The following AK5 variants were observed in gnomAD, a reference collection of about 807,000 sequenced individuals.
The protein encoded by AK5 is adenylate kinase isoenzyme 5.
Under a neutral mutation model 69.5 loss-of-function variants are expected in AK5, and 27 were observed. The ratio of observed to expected loss-of-function variants is 0.39; its 90% CI spans 0.29 to 0.54. AK5 has a LOEUF of 0.54. Among genes scored for constraint, AK5 ranks in the 20% least tolerant of loss-of-function variants. The pLI, the probability that AK5 is intolerant of heterozygous loss-of-function variation, is 0.71. For missense variants in AK5, 531 were observed against 700.4 expected (o/e 0.76, Z 2.73); for synonymous variants, 260 against 244.4 (o/e 1.06, Z -0.60).
At chr1:77,382,639 T>G (rs1453492328) in intron 6 of AK5, among the ~76,000 whole-genome samples, 3 of 152,242 alleles carry the variant, frequency 2.0e-5, no homozygotes, top group Middle Eastern at 3.2e-3. Context: ...CATAAGCCAG[T>G]GCGCCCAGCC....
chr1:77,351,037 C>A (rs1286136243), intron 6 of AK5, among the ~76,000 whole-genome samples: 1 of 152,162 alleles, frequency 6.6e-6, no homozygotes, highest in Non-Finnish European at 1.5e-5. Context: ...GGACATAATT[C>A]CATTAAAGCA....
At chr1:77,481,090 G>A (rs1655225957) in intron 8 of AK5, among the ~76,000 whole-genome samples, 3 of 152,176 alleles carry the variant, frequency 2.0e-5, no homozygotes, top group South Asian at 4.1e-4. Context: ...GCAGCAGTTC[G>A]GTGGCTGGGT....
At position 77,506,256 on chromosome 1, in the gene AK5, T is replaced by TTGGTTGG. The variant is rs1163285349; in HGVS notation, c.1148-12307_1148-12306insGGTTGGT. Among the ~76,000 whole-genome samples the TTGGTTGG allele has an allele frequency of 5.7e-5, 6 of 105,934 alleles. No homozygotes were observed. In the South Asian group the frequency reaches 8.1e-4, roughly 14 times the overall value. The allele number at this position is 105,934 out of a possible 152,430, so 69.5% of individuals were successfully genotyped here. Reference sequence around the variant, plus strand: ...GGTTGGTTGGTTGGTTGGTTGGTTGTTTTTTTTCATTTTTTGGGGTTTTTT... The same window carrying TTGGTTGG: ...GGTTGGTTGGTTGGTTGGTTGGTTGTTGGTTGGTTTTTTTCATTTTTTGGGGTTTTTT... On this transcript the variant is annotated intron_variant, in intron 10 of 13. Transcript: ENST00000354567.
chr1:77,518,085 C>T (rs1570297178), intron 10 of AK5, among the ~76,000 whole-genome samples: 1 of 152,174 alleles, frequency 6.6e-6, no homozygotes, highest in Non-Finnish European at 1.5e-5. Context: ...AAAATAAAAA[C>T]ACTTATTTTT....
intron 6 of AK5, among the ~76,000 whole-genome samples, chr1:77,389,178 C>T (rs1207311802): frequency 6.6e-6 from 1 of 152,184 alleles, no homozygotes; most frequent in Non-Finnish European, 1.5e-5. Context: ...TTTCTGATGT[C>T]TCCAGAGAGA....
At chr1:77,516,998 G>T (rs910809694) in intron 10 of AK5, among the ~76,000 whole-genome samples, 2 of 151,838 alleles carry the variant, frequency 1.3e-5, no homozygotes, top group African/African-American at 4.8e-5. Flanking sequence ...TTGAACCTGG[G>T]GGGTGGAGGT....
chr1:77,294,025 A>G, intron 3 of AK5, 65 bp downstream of exon 3: 6 of 1,470,858 alleles, frequency 4.1e-6, no homozygotes, highest in South Asian at 2.6e-5. Context: ...TTACATTTCA[A>G]AAAAGTAAAT....
At chr1:77,335,508 C>T (rs1310127176) in intron 5 of AK5, among the ~76,000 whole-genome samples, 2 of 151,822 alleles carry the variant, frequency 1.3e-5, no homozygotes, top group African/African-American at 4.8e-5. Flanking sequence ...TGATACTTCT[C>T]AACATTTCAC....
rs572829750 is a variant in AK5, at chr1:77,533,866, T to C, written c.1429-1981T>C. ...GTTTCAGGGAGAACATTAAGCCGCCTCCCAAGCTCGCCCTCTGCTGGTGAA... is the reference window on the plus strand; with the variant it reads ...GTTTCAGGGAGAACATTAAGCCGCCCCCCAAGCTCGCCCTCTGCTGGTGAA... On this transcript the variant is annotated intron_variant, in intron 12 of 13. Transcript: ENST00000354567. 6.6e-5 allele frequency among the ~76,000 whole-genome samples: 10 copies of C among 152,060 alleles called. 1 individual carries two copies. The South Asian group carries it at 1.9e-3, about 28-fold the overall frequency.
rs1653221646 is a variant in AK5 at position 77,452,543 on chromosome 1, TA to T, written c.1060-30770del. Among the ~76,000 whole-genome samples, 4 of 152,214 alleles carry T rather than the reference TA, an allele frequency of 2.6e-5. No individual in the cohort carries two copies. The South Asian group carries it at 8.3e-4, about 31-fold the overall frequency. ...TCATGATGCAGAGTATATTAAATGC[TA>T]AAATATCTGCAGTCTGTTGATCAAT... On this transcript the variant is annotated intron_variant, in intron 8 of 13. Coordinates refer to ENST00000354567, the MANE Select transcript of AK5 (RefSeq NM_174858.3).
At chr1:77,385,599 A>G (rs1232054756) in intron 6 of AK5, among the ~76,000 whole-genome samples, 1 of 152,234 alleles carries the variant, frequency 6.6e-6, no homozygotes, top group Non-Finnish European at 1.5e-5. Context: ...TGTGTGGTCA[A>G]CGAAAAGGCC....
chr1:77,345,300 G>T (rs1296676910), intron 6 of AK5, among the ~76,000 whole-genome samples: 2 of 152,136 alleles, frequency 1.3e-5, no homozygotes, highest in African/African-American at 2.4e-5. Flanking sequence ...TAATTCATAC[G>T]CAGGTTTACC....
At chr1:77,354,288 A>G (rs1245900018) in intron 6 of AK5, among the ~76,000 whole-genome samples, 3 of 152,228 alleles carry the variant, frequency 2.0e-5, no homozygotes, top group Admixed American at 6.5e-5. Flanking sequence ...ATATTCATTC[A>G]TCAATTTCTT....
At chr1:77,512,432 C>G (rs1657403087) in intron 10 of AK5, among the ~76,000 whole-genome samples, 1 of 152,168 alleles carries the variant, frequency 6.6e-6, no homozygotes, top group Non-Finnish European at 1.5e-5. Context: ...GTGTATAACC[C>G]CCCTTCATTG....
At position 77,535,861 on chromosome 1, in the gene AK5, G is replaced by A. The variant is rs774182298; in HGVS notation, c.1443G>A (p.Gln481=). The change falls in exon 13 of 14, where the codon CAG becomes CAA. Residue 481 remains glutamine (Q), a synonymous_variant. Transcript: ENST00000354567. The stretch of plus-strand genomic sequence containing the variant: ...CCCATCTCCAGATTGGAGACCCACA[G>A]TTGGTGATCTGTATGGACTGCTCGG... ...EEFGRRIGDP[Q]LVICMDCSAD... is the part of the protein sequence containing the mutation. The A allele has an allele frequency of 1.2e-6, 2 of 1,612,406 alleles. No individual in the cohort carries two copies. The highest frequency in any genetic ancestry group is 2.2e-5 in the South Asian group (2 of 90,998).
At position 77,297,852 on chromosome 1, in the gene AK5, A is replaced by G. The variant is rs1659102597; in HGVS notation, c.604A>G (p.Ile202Val). The G allele has an allele frequency of 6.2e-7, 1 of 1,611,602 alleles. No homozygotes were observed. The highest frequency in any genetic ancestry group is 8.5e-7 in the Non-Finnish European group (1 of 1,179,412). ...LAPQETTITE[I>V]KQKLMQIPDE... ...ATAAAAGGAAACAACAATTACAGAG[A>G]TAAAACAAAAATTGATGCAAATACC... Residue 202 changes from isoleucine (I) to valine (V), a missense_variant, in exon 5 of 14, where the codon ATA (isoleucine) becomes GTA (valine). Transcript: ENST00000354567.
chr1:77,368,330 T>TTATATATAA (rs1471242176), intron 6 of AK5, among the ~76,000 whole-genome samples: 87 of 103,342 alleles, frequency 8.4e-4, no homozygotes, highest in Middle Eastern at 4.8e-3. Flanking sequence ...AATATATATG[T>TTATATATAA]TATATATGTT....
intron 5 of AK5, among the ~76,000 whole-genome samples, chr1:77,300,661 C>T (rs554591956): frequency 1.3e-5 from 2 of 152,280 alleles, no homozygotes; most frequent in African/African-American, 4.8e-5. Context: ...TTCAGTTCAA[C>T]TTGGACACTA....
intron 5 of AK5, among the ~76,000 whole-genome samples, chr1:77,320,367 C>T (rs1660466279): frequency 1.3e-5 from 2 of 152,128 alleles, no homozygotes; most frequent in African/African-American, 2.4e-5. Flanking sequence ...ATGGGATTTT[C>T]ATTATGTGGG....
Sources: gnomAD v4.1 joint callset for allele counts (sites outside exome capture counted in the v4.1 genomes callset) on GRCh38, gnomAD v4.1.1 for gene constraint, MANE v1.5 for transcripts, NCBI Gene and HGNC (gene_info 2026-07-23, HGNC 2026-07-21) for gene names.